Variants in ANK1 observed in about 807,000 individuals in gnomAD.
ANK1 encodes the protein ankyrin-1.
A neutral mutation model predicts 210.4 loss-of-function variants in ANK1; 51 were observed. The ratio of observed to expected loss-of-function variants is 0.24; its 90% CI spans 0.19 to 0.31. The LOEUF (loss-of-function observed/expected upper bound fraction) is 0.31. ANK1 is among the 10% of genes least tolerant of loss of function. The pLI is 1.00. For synonymous variants in ANK1, 967 were observed against 1,025.9 expected (o/e 0.94, Z 1.10); for missense variants, 2,051 against 2,504.4 (o/e 0.82, Z 3.86).
At chr8:41,763,258 G>A (rs1476686094) in intron 1 of ANK1, among the ~76,000 whole-genome samples, 1 of 151,720 alleles carries the variant, frequency 6.6e-6, no homozygotes, top group African/African-American at 2.4e-5. Flanking sequence ...ATAAATAGAG[G>A]GTAAGGGAAG....
intron 1 of ANK1, among the ~76,000 whole-genome samples, chr8:41,845,805 T>C (rs1457164595): frequency 6.6e-6 from 1 of 152,208 alleles, no homozygotes; most frequent in Non-Finnish European, 1.5e-5. Flanking sequence ...CCCCTCCTGC[T>C]ACTTCCATAA....
At chr8:41,660,517 G>C (rs764220224) in intron 42 of ANK1, 3 of 467,206 alleles carry the variant, frequency 6.4e-6, no homozygotes, top group Non-Finnish European at 8.9e-6. Context: ...GCCCCAGGGA[G>C]GATGGAGATC....
At chr8:41,798,061 T>C (rs1849136670), upstream of ANK1, among the ~76,000 whole-genome samples, 1 of 151,986 alleles carries the variant, frequency 6.6e-6, no homozygotes, top group South Asian at 2.1e-4. Context: ...TTTTGTTTCC[T>C]AAGGAGGGGG....
At chr8:41,792,628 G>C (rs969054137) in intron 1 of ANK1, among the ~76,000 whole-genome samples, 1 of 152,234 alleles carries the variant, frequency 6.6e-6, no homozygotes, top group Middle Eastern at 3.2e-3. Context: ...TCACAGCGTG[G>C]AGGAGAGATG....
chr8:41,668,883 C>T (rs997179998), intron 38 of ANK1, among the ~76,000 whole-genome samples: 3 of 152,134 alleles, frequency 2.0e-5, no homozygotes, highest in Non-Finnish European at 4.4e-5. Flanking sequence ...AACACTGGGG[C>T]CTCCACACTC....
rs748853178 is a variant in ANK1 at position 41,734,009 on chromosome 8, G to A, written c.190C>T (p.Leu64Phe). ...TCTAGAATGATTTCTTTGTGCAGAA[G>A]TTCAACCACCATTTTCACATGGCCT... ...KEGHVKMVVE[L>F]LHKEIILETT... Residue 64 changes from leucine to phenylalanine, a missense_variant, in exon 3 of 43, where the codon CTT (leucine) becomes TTT (phenylalanine). By Grantham distance (22) the Leu-to-Phe change is conservative. Transcript: ENST00000289734. 2 of 1,614,238 alleles carry A rather than the reference G, an allele frequency of 1.2e-6. No homozygotes were observed. The highest frequency in any genetic ancestry group is 2.2e-5 in the East Asian group (1 of 44,892).
At chr8:41,783,469 G>GC (rs1352950606) in intron 1 of ANK1, among the ~76,000 whole-genome samples, 2 of 151,986 alleles carry the variant, frequency 1.3e-5, no homozygotes, top group Non-Finnish European at 2.9e-5. Context: ...CTTTTTTTCA[G>GC]CCTTTTCAGT....
At chr8:41,886,033 T>A (rs781317428) in intron 1 of ANK1, among the ~76,000 whole-genome samples, 2 of 152,196 alleles carry the variant, frequency 1.3e-5, no homozygotes, top group Non-Finnish European at 2.9e-5. Context: ...GGTGAGAATT[T>A]AGCCAGGTGG....
At chr8:41,885,018 C>T (rs948602284) in intron 1 of ANK1, among the ~76,000 whole-genome samples, 1 of 150,378 alleles carries the variant, frequency 6.6e-6, no homozygotes, top group African/African-American at 2.5e-5. Context: ...GGGAAAGCAA[C>T]GGAAGGGTTT....
chr8:41,808,248 T>C (rs560848157), intron 1 of ANK1, among the ~76,000 whole-genome samples: 27 of 152,080 alleles, frequency 1.8e-4, no homozygotes, highest in Non-Finnish European at 3.1e-4. Flanking sequence ...TCCCATGGGG[T>C]TGTTTCAATT....
chr8:41,839,817 C>A (rs1808514340), intron 1 of ANK1, among the ~76,000 whole-genome samples: 1 of 152,026 alleles, frequency 6.6e-6, no homozygotes, highest in Admixed American at 6.6e-5. Context: ...GGATGGGACC[C>A]TAGGACAGCA....
In ANK1 at chr8:41,696,778, GGAGA is replaced by G. The variant is rs1563465719; in HGVS notation, c.2638-9_2638-6del. On this transcript the variant is annotated splice_polypyrimidine_tract_variant and splice_region_variant and intron_variant, in intron 24 of 42. Transcript: ENST00000289734. ...CTCATCATACTCTTTAGATGCCTGA[GGAGA>G]GAGAAAGGGTCCTCCTGTCCCACCT... The G allele has an allele frequency of 5.6e-6, 9 of 1,599,048 alleles. No individual in the cohort carries two copies. The highest frequency in any genetic ancestry group is 2.2e-5 in the East Asian group (1 of 44,878).
At chr8:41,763,889 C>CTTTTTTTTTTTTTTTTTTTTTTTTTTTT (rs869100297) in intron 1 of ANK1, among the ~76,000 whole-genome samples, 130 of 57,830 alleles carry the variant, frequency 2.2e-3, no homozygotes, top group Admixed American at 2.8e-3. Flanking sequence ...TTCTTTTTTT[C>CTTTTTTTTTTTTTTTTTTTTTTTTTTTT]TTTTTTTTTT....
At chr8:41,890,214 T>C (rs1819147087) in intron 1 of ANK1, among the ~76,000 whole-genome samples, 2 of 152,236 alleles carry the variant, frequency 1.3e-5, no homozygotes, top group Non-Finnish European at 2.9e-5. Context: ...ATCCCTATTT[T>C]ACAGATGAGA....
chr8:41,802,787 G>A (rs1850088459), intron 1 of ANK1, among the ~76,000 whole-genome samples: 1 of 151,734 alleles, frequency 6.6e-6, no homozygotes, highest in Admixed American at 6.6e-5. Flanking sequence ...GCTTGCATCT[G>A]TAGTCCCAGC....
At chr8:41,877,292 G>C (rs1816769627) in intron 1 of ANK1, among the ~76,000 whole-genome samples, 1 of 152,258 alleles carries the variant, frequency 6.6e-6, no homozygotes, top group South Asian at 2.1e-4. Flanking sequence ...CCAGTCTTAT[G>C]CTCCAGGCTG....
intron 37 of ANK1, among the ~76,000 whole-genome samples, chr8:41,682,838 C>G (rs1241110870): frequency 1.3e-5 from 2 of 152,204 alleles, no homozygotes; most frequent in Non-Finnish European, 2.9e-5. Flanking sequence ...AAAGAAGTCT[C>G]GACACATGGG....
In ANK1 at chr8:41,848,231, A is replaced by C. The variant is rs957994496; in HGVS notation, c.126+48124T>G. 2.4e-5 allele frequency among the ~76,000 whole-genome samples: 3 copies of C among 122,660 alleles called. No individual in the cohort carries two copies. The Admixed American group carries it at 2.5e-4, about 10-fold the overall frequency. 80.5% of individuals were successfully genotyped at this position (122,660 alleles called of 152,430 possible). Reference sequence around the variant, plus strand: ...ATAAATAAATAAATAAATAAATAAAACTGTGCAATATACATTATTATGCAA... The same window carrying C: ...ATAAATAAATAAATAAATAAATAAACCTGTGCAATATACATTATTATGCAA... On this transcript the variant is annotated intron_variant, in intron 1 of 42. Coordinates refer to the ANK1 transcript ENST00000265709.
At chr8:41,692,535 TG>T in intron 31 of ANK1, 112 bp downstream of exon 31, 1 of 1,061,818 alleles carries the variant, frequency 9.4e-7, no homozygotes, top group Non-Finnish European at 1.4e-6. Flanking sequence ...CAGACAGCTG[TG>T]GAGCCCCTCG....
Sources: gnomAD v4.1 joint callset for allele counts (sites outside exome capture counted in the v4.1 genomes callset) on GRCh38, gnomAD v4.1.1 for gene constraint, MANE v1.5 for transcripts, NCBI Gene and HGNC (gene_info 2026-07-23, HGNC 2026-07-21) for gene names.